The following NTM variants were observed in gnomAD, a reference collection of about 807,000 sequenced individuals.
NTM encodes the protein IgLON family member 2.
In NTM, 13 loss-of-function variants were observed where a neutral mutation model predicts 42.1. That is an observed-to-expected ratio of 0.31 (90% CI 0.20 to 0.49). The LOEUF (loss-of-function observed/expected upper bound fraction) is 0.49. Among genes scored for constraint, NTM ranks in the 20% least tolerant of loss-of-function variants. The pLI is 0.99. For synonymous variants in NTM, 187 were observed against 179.2 expected, an observed-to-expected ratio of 1.04 and a Z score of -0.35; for missense variants, 373 against 452.8, an observed-to-expected ratio of 0.82 and a Z score of 1.60.
chr11:131,839,697 A>G (rs2043978220), intron 1 of NTM, among the ~76,000 whole-genome samples: 1 of 152,232 alleles, frequency 6.6e-6, no homozygotes, highest in Non-Finnish European at 1.5e-5. Context: ...ACACTTGAAA[A>G]GACTCATGGA....
intron 1 of NTM, among the ~76,000 whole-genome samples, chr11:131,658,222 C>A (rs549256385): frequency 6.6e-6 from 1 of 152,314 alleles, no homozygotes; most frequent in African/African-American, 2.4e-5. Context: ...CAGAATTCTC[C>A]TATTCAATAA....
chr11:131,838,194 G>A (rs1210534283), intron 1 of NTM, among the ~76,000 whole-genome samples: 1 of 152,046 alleles, frequency 6.6e-6, no homozygotes, highest in Non-Finnish European at 1.5e-5. Flanking sequence ...CAGGGGGCGG[G>A]GTGTAGACGG....
At chr11:131,484,930 C>T (rs1156891980) in intron 1 of NTM, among the ~76,000 whole-genome samples, 1 of 152,134 alleles carries the variant, frequency 6.6e-6, no homozygotes. Context: ...TGGAAAATTC[C>T]ACCAAACCCC....
chr11:132,075,204 G>A (rs1052963313), intron 2 of NTM, among the ~76,000 whole-genome samples: 1 of 152,146 alleles, frequency 6.6e-6, no homozygotes, highest in Non-Finnish European at 1.5e-5. Context: ...AATGAGCATG[G>A]AGTTTCAGTT....
intron 2 of NTM, among the ~76,000 whole-genome samples, chr11:132,022,705 A>C (rs1348024362): frequency 6.6e-6 from 1 of 152,248 alleles, no homozygotes; most frequent in Non-Finnish European, 1.5e-5. Flanking sequence ...TTCCACAGAC[A>C]GCTTTATCCC....
At chr11:131,523,513 G>A (rs11820514) in intron 1 of NTM, among the ~76,000 whole-genome samples, 2,231 of 152,250 alleles carry the variant, frequency 0.015, 61 homozygotes, top group African/African-American at 0.049. Flanking sequence ...GAAGGGTCAG[G>A]CGCAGTGGCT....
chr11:132,278,826 C>T (rs1274544025), intron 4 of NTM, among the ~76,000 whole-genome samples: 1 of 150,528 alleles, frequency 6.6e-6, no homozygotes, highest in East Asian at 2.0e-4. Context: ...GGCTCTGATA[C>T]AGATCCTTTC....
intron 1 of NTM, among the ~76,000 whole-genome samples, chr11:131,660,017 G>A (rs1474493367): frequency 6.6e-6 from 1 of 152,212 alleles, no homozygotes; most frequent in Admixed American, 6.5e-5. Context: ...GGTGGGTGAG[G>A]GGCTGTTCTT....
chr11:131,745,596 G>C (rs565194905), intron 1 of NTM, among the ~76,000 whole-genome samples: 4 of 152,142 alleles, frequency 2.6e-5, no homozygotes, highest in Non-Finnish European at 5.9e-5. Context: ...CAGAGGACTG[G>C]AGTTGAAGTC....
chr11:132,264,210 C>T (rs2093040452), intron 4 of NTM, among the ~76,000 whole-genome samples: 1 of 152,180 alleles, frequency 6.6e-6, no homozygotes, highest in African/African-American at 2.4e-5. Context: ...CAGGAAATTG[C>T]ACCTATTTCA....
intron 1 of NTM, among the ~76,000 whole-genome samples, chr11:131,717,504 T>C (rs2077834661): frequency 6.6e-6 from 1 of 152,240 alleles, no homozygotes; most frequent in Non-Finnish European, 1.5e-5. Context: ...GAATGACATT[T>C]TAAACATTTC....
chr11:131,706,179 G>C (rs547182091), intron 1 of NTM, among the ~76,000 whole-genome samples: 2 of 151,998 alleles, frequency 1.3e-5, no homozygotes, highest in South Asian at 4.2e-4. Context: ...AAGAATAGGA[G>C]TGGCTATACT....
Position 132,138,841 on chromosome 11 carries a change from A to G in NTM, c.168-7441A>G, listed in dbSNP as rs535319335. ...TCCCACATTGGGGAGGGTGGGTCTT[A>G]TTTATGAAGCCTGCTGATCATCTCT... is the stretch of plus-strand genomic sequence containing the variant. On this transcript the variant is annotated intron_variant, in intron 2 of 8. Coordinates refer to ENST00000683400, the MANE Select transcript of NTM (RefSeq NM_001352005.2). Among the ~76,000 whole-genome samples the G allele has an allele frequency of 3.9e-5, 6 of 152,236 alleles. 1 individual carries two copies. The South Asian group carries it at 1.2e-3, about 32-fold the overall frequency.
At chr11:131,521,627 C>T (rs891871710) in intron 1 of NTM, among the ~76,000 whole-genome samples, 8 of 151,816 alleles carry the variant, frequency 5.3e-5, no homozygotes, top group Non-Finnish European at 8.8e-5. Flanking sequence ...CAAGAACTCA[C>T]TCATTACTGT....
chr11:131,701,382 T>A (rs1315717714), intron 1 of NTM, among the ~76,000 whole-genome samples: 2 of 152,180 alleles, frequency 1.3e-5, no homozygotes, highest in African/African-American at 2.4e-5. Flanking sequence ...TTATTCCTTT[T>A]CTCCTCCAAT....
chr11:131,550,144 A>T (rs1044834160), intron 1 of NTM, among the ~76,000 whole-genome samples: 1 of 152,250 alleles, frequency 6.6e-6, no homozygotes. Context: ...AGATAACGAC[A>T]TTAAATGTTT....
At chr11:131,842,124 C>T (rs926719853) in intron 1 of NTM, among the ~76,000 whole-genome samples, 5 of 152,088 alleles carry the variant, frequency 3.3e-5, no homozygotes, top group African/African-American at 1.2e-4. Flanking sequence ...TAGAGGAGCT[C>T]CTTTACAGAG....
intron 1 of NTM, among the ~76,000 whole-genome samples, chr11:131,522,285 C>T (rs2049851808): frequency 6.6e-6 from 1 of 152,006 alleles, no homozygotes; most frequent in South Asian, 2.1e-4. Context: ...TAAGTCAAGC[C>T]CTGTACGCTC....
intron 4 of NTM, among the ~76,000 whole-genome samples, chr11:132,270,653 A>ATT (rs56926246): frequency 7.8e-4 from 115 of 147,636 alleles, no homozygotes; most frequent in Admixed American, 2.7e-3. Flanking sequence ...ATTTATTTTT[A>ATT]TTTTTTTTTT....
Sources: gnomAD v4.1 joint callset for allele counts (sites outside exome capture counted in the v4.1 genomes callset) on GRCh38, gnomAD v4.1.1 for gene constraint, MANE v1.5 for transcripts, NCBI Gene and HGNC (gene_info 2026-07-23, HGNC 2026-07-21) for gene names.